FLRT1: variants seen among roughly 807,000 people sequenced by gnomAD.
FLRT1 encodes the protein fibronectin leucine rich transmembrane protein 1, also known as leucine-rich repeat transmembrane protein FLRT1.
Under a neutral mutation model 30.9 loss-of-function variants are expected in FLRT1, and 14 were observed. The observed-to-expected ratio is 0.45, with a 90% confidence interval of 0.30 to 0.71. The LOEUF (loss-of-function observed/expected upper bound fraction) is 0.71. Among genes scored for constraint, FLRT1 ranks in the 30% least tolerant of loss-of-function variants. FLRT1 has a pLI of 0.08. For synonymous variants in FLRT1, 368 were observed against 430.4 expected, an observed-to-expected ratio of 0.85 and a Z score of 1.80; for missense variants, 737 against 949.2, an observed-to-expected ratio of 0.78 and a Z score of 2.94.
chr11:64,057,127 A>G (rs372810804), intron 1 of FLRT1, among the ~76,000 whole-genome samples: 8 of 152,282 alleles, frequency 5.3e-5, no homozygotes, highest in African/African-American at 1.9e-4. Context: ...CGGCTCCCTA[A>G]GTGCTTGCTG....
At chr11:64,100,511 C>G (rs916859012) in intron 1 of FLRT1, among the ~76,000 whole-genome samples, 2 of 152,216 alleles carry the variant, frequency 1.3e-5, no homozygotes, top group African/African-American at 2.4e-5. Context: ...TAACTTCACA[C>G]GGCATGGTCT....
rs1463209361 is a variant in FLRT1, at chr11:64,096,415, C to T, written c.-1037-6779C>T. Among the ~76,000 whole-genome samples the T allele has an allele frequency of 6.6e-6, 1 of 151,798 alleles. No individual in the cohort carries two copies. Among genetic ancestry groups the T allele is most frequent in the African/African-American group, 2.4e-5 (1 of 41,340 alleles). On this transcript the variant is annotated intron_variant, in intron 1 of 2. Transcript: ENST00000682287. This position sits in a 1 kb window ranked among gnomAD's most constrained non-coding sequence, Gnocchi z 4.6. The stretch of plus-strand genomic sequence containing the variant: ...GGCAGGCAAGTGGTCGTTCCTGTCC[C>T]CTCTTTTTTTTTTTTGAGACTGAGT...
Position 64,090,788 on chromosome 11 carries a change from A to G in FLRT1, c.-1037-12406A>G, listed in dbSNP as rs1267505140. Among the ~76,000 whole-genome samples, 2 of 151,786 alleles carry G rather than the reference A, an allele frequency of 1.3e-5. No homozygotes were observed. The highest frequency in any genetic ancestry group is 4.8e-5 in the African/African-American group (2 of 41,308). On this transcript the variant is annotated intron_variant, in intron 1 of 2. Coordinates refer to ENST00000682287, the MANE Select transcript of FLRT1 (RefSeq NM_013280.5). The surrounding 1 kb of genome is among the most constrained non-coding windows in gnomAD (Gnocchi z 4.7). ...GGGTGGCGGCGTCTCTCCACCAGGCACTTGGGGTTTGTCTCTGGGGCTCTG... is the reference window on the plus strand; with the variant it reads ...GGGTGGCGGCGTCTCTCCACCAGGCGCTTGGGGTTTGTCTCTGGGGCTCTG...
chr11:64,097,210 C>G (rs1944592395), intron 1 of FLRT1, among the ~76,000 whole-genome samples: 2 of 152,236 alleles, frequency 1.3e-5, no homozygotes. Flanking sequence ...CCAGACCCCC[C>G]AGAAAGTACA....
intron 1 of FLRT1, among the ~76,000 whole-genome samples, chr11:64,089,010 T>C (rs1944443141): frequency 6.6e-6 from 1 of 152,114 alleles, no homozygotes; most frequent in Non-Finnish European, 1.5e-5. Context: ...CCGAAGCCAC[T>C]GGGAGGGCCA....
At chr11:64,040,419 G>A (rs998808733) in intron 1 of FLRT1, among the ~76,000 whole-genome samples, 2 of 152,126 alleles carry the variant, frequency 1.3e-5, no homozygotes, top group African/African-American at 4.8e-5. Flanking sequence ...GGGGCTCAAG[G>A]CACCCGGCCA....
intron 1 of FLRT1, among the ~76,000 whole-genome samples, chr11:64,037,178 CCG>C (rs897489990): frequency 6.6e-6 from 1 of 152,190 alleles, no homozygotes; most frequent in Non-Finnish European, 1.5e-5. Context: ...CCCTGCCTCA[CCG>C]CGGCCCCTAC....
chr11:64,069,252 C>T (rs537541730), intron 1 of FLRT1, among the ~76,000 whole-genome samples: 2 of 152,328 alleles, frequency 1.3e-5, no homozygotes, highest in African/African-American at 4.8e-5. Context: ...GCAGTTCTAC[C>T]TGACACCGGA....
chr11:64,085,470 A>G (rs984113669), intron 1 of FLRT1, among the ~76,000 whole-genome samples: 2 of 152,206 alleles, frequency 1.3e-5, no homozygotes, highest in African/African-American at 4.8e-5. Flanking sequence ...GGACCAGGCC[A>G]TGTGTCTGGG....
intron 2 of FLRT1, among the ~76,000 whole-genome samples, chr11:64,108,352 C>T (rs980296154): frequency 6.6e-6 from 1 of 152,032 alleles, no homozygotes; most frequent in African/African-American, 2.4e-5. Flanking sequence ...AGGGCCACCC[C>T]ACAGTAGGCT....
chr11:64,118,023 C>G lies in FLRT1; in HGVS notation c.1756C>G (p.Arg586Gly). The change falls in exon 3 of 3, where the codon CGG becomes GGG. Residue 586 changes from arginine to glycine, a missense_variant. By Grantham distance (125) the Arg-to-Gly change is moderately radical. Coordinates refer to ENST00000682287, the MANE Select transcript of FLRT1 (RefSeq NM_013280.5). ...YVHQAGELLT[R>G]ERAYNRGSRK... ...GCACCAGGCTGGCGAGCTGCTGACC[C>G]GGGAGAGGGCCTACAACCGGGGCAG... 1.2e-6 allele frequency: 2 copies of G among 1,613,620 alleles called. No homozygotes were observed. Among genetic ancestry groups the G allele is most frequent in the Non-Finnish European group, 1.7e-6 (2 of 1,179,938 alleles).
At position 64,117,820 on chromosome 11, in the gene FLRT1, C is replaced by CT; in HGVS notation, c.1554dup (p.Asp519Ter). 6.2e-7 allele frequency: 1 copy of CT among 1,614,210 alleles called. No homozygotes were observed. Reference sequence around the variant, plus strand: ...ATGGAGACCAGCAATGCCTACGTAGCTGATGAGACACCCGTGTGTGCCAAG... The same window carrying CT: ...ATGGAGACCAGCAATGCCTACGTAGCTTGATGAGACACCCGTGTGTGCCAAG... On this transcript the variant is annotated frameshift_variant, in exon 3 of 3. Transcript: ENST00000682287. LOFTEE classifies it high-confidence loss of function.
At chr11:64,095,955 G>C (rs968826888) in intron 1 of FLRT1, among the ~76,000 whole-genome samples, 1 of 140,292 alleles carries the variant, frequency 7.1e-6, no homozygotes, top group Admixed American at 7.4e-5. Context: ...TCTCCCTGGG[G>C]AGTCTCCAGC....
rs574031309 is a variant in FLRT1, at chr11:64,116,178, G to A, written c.-49-41G>A. 149 of 1,506,256 alleles carry A rather than the reference G, an allele frequency of 9.9e-5. 1 individual carries two copies. The Admixed American group carries it at 1.0e-3, about 11-fold the overall frequency. 93.3% of individuals were successfully genotyped at this position (1,506,256 alleles called of 1,614,324 possible). On this transcript the variant is annotated intron_variant, in intron 2 of 2. Coordinates refer to ENST00000682287, the MANE Select transcript of FLRT1 (RefSeq NM_013280.5). ...ACGATTCACTCCTGGGGTCGCTGTC[G>A]CCGCCTCCCTCTCACTGCCCCTGTC... is the stretch of plus-strand genomic sequence containing the variant.
At chr11:64,084,713 G>A (rs974574390) in intron 1 of FLRT1, among the ~76,000 whole-genome samples, 13 of 152,320 alleles carry the variant, frequency 8.5e-5, no homozygotes, top group Middle Eastern at 3.4e-3. Flanking sequence ...CCACGTGCCC[G>A]TGCTGCTTCG....
At chr11:64,085,791 T>C (rs1045085374) in intron 1 of FLRT1, among the ~76,000 whole-genome samples, 2 of 152,154 alleles carry the variant, frequency 1.3e-5, no homozygotes, top group Non-Finnish European at 2.9e-5. Context: ...AGGCCTCAGT[T>C]TCCTCAGCTG....
intron 1 of FLRT1, among the ~76,000 whole-genome samples, chr11:64,100,362 G>A (rs891024015): frequency 2.6e-5 from 4 of 152,224 alleles, no homozygotes; most frequent in Non-Finnish European, 4.4e-5. Flanking sequence ...AGAAAATTGT[G>A]TAAGCATCTC....
chr11:64,049,862 C>T (rs1943657677), intron 1 of FLRT1, among the ~76,000 whole-genome samples: 1 of 152,188 alleles, frequency 6.6e-6, no homozygotes, highest in Admixed American at 6.5e-5. Flanking sequence ...TGATCCACCC[C>T]ACCATCCCCC....
chr11:64,098,649 G>C (rs762259180), intron 1 of FLRT1, among the ~76,000 whole-genome samples: 1 of 152,172 alleles, frequency 6.6e-6, no homozygotes, highest in African/African-American at 2.4e-5. Context: ...CATCTATAAA[G>C]GTCAGATACA....
Sources: gnomAD v4.1 joint callset for allele counts (sites outside exome capture counted in the v4.1 genomes callset) on GRCh38, gnomAD v4.1.1 for gene constraint, Gnocchi (gnomAD v3.1) non-coding constraint, MANE v1.5 for transcripts, NCBI Gene and HGNC (gene_info 2026-07-23, HGNC 2026-07-21) for gene names.